PLCB4: variants seen among roughly 807,000 people sequenced by gnomAD.
The protein encoded by PLCB4 is 1-phosphatidylinositol 4,5-bisphosphate phosphodiesterase beta-4.
PLCB4 carries 77 observed loss-of-function variants against 178.8 expected under a neutral mutation model. The observed-to-expected ratio is 0.43, with a 90% CI of 0.36 to 0.52. The LOEUF (loss-of-function observed/expected upper bound fraction) is 0.52, where lower values mean the gene tolerates loss of function less well. PLCB4 is among the 20% of genes least tolerant of loss of function. PLCB4 has a pLI of 0.00. For missense variants in PLCB4, 1,024 were observed against 1,453.4 expected (o/e 0.70, Z 4.80); for synonymous variants, 496 against 490.8 (o/e 1.01, Z -0.14).
chr20:9,195,297 A>T (rs1483707655), intron 2 of PLCB4, among the ~76,000 whole-genome samples: 1 of 152,212 alleles, frequency 6.6e-6, no homozygotes, highest in East Asian at 1.9e-4. Context: ...GATGATGCAG[A>T]TGCTGCTGGT....
chr20:9,087,850 T>C (rs2090503560), intron 1 of PLCB4, among the ~76,000 whole-genome samples: 1 of 152,236 alleles, frequency 6.6e-6, no homozygotes, highest in African/African-American at 2.4e-5. Flanking sequence ...GCTCCTCATA[T>C]TCCAGTGGAA....
At chr20:9,232,909 G>T (rs2093948941) in intron 3 of PLCB4, among the ~76,000 whole-genome samples, 1 of 152,034 alleles carries the variant, frequency 6.6e-6, no homozygotes, top group Non-Finnish European at 1.5e-5. Context: ...GAAAAAATAT[G>T]ATTGTAATAT....
intron 14 of PLCB4, 149 bp downstream of exon 14, chr20:9,384,560 G>A (rs1365299428): frequency 1.6e-6 from 1 of 629,546 alleles, no homozygotes; most frequent in Admixed American, 2.8e-5. Context: ...TTAACGTTGA[G>A]AAAAGAAGGA....
intron 2 of PLCB4, among the ~76,000 whole-genome samples, chr20:9,116,806 A>G (rs1250402480): frequency 6.6e-6 from 1 of 152,194 alleles, no homozygotes; most frequent in African/African-American, 2.4e-5. Context: ...TCTTTAACAT[A>G]TCGAGTCTAC....
intron 2 of PLCB4, among the ~76,000 whole-genome samples, chr20:9,216,571 C>G (rs1241118943): frequency 6.6e-6 from 1 of 152,100 alleles, no homozygotes; most frequent in African/African-American, 2.4e-5. Flanking sequence ...ATGATCTTTG[C>G]TCACTGCAAC....
chr20:9,452,832 T>C (rs1284278579), intron 32 of PLCB4, among the ~76,000 whole-genome samples: 1 of 152,212 alleles, frequency 6.6e-6, no homozygotes, highest in Non-Finnish European at 1.5e-5. Context: ...AACACAGTGA[T>C]GCCTCTCATT....
At position 9,326,130 on chromosome 20, in the gene PLCB4, AG is replaced by A. The variant is rs1272628800; in HGVS notation, c.85-10995del. 2.0e-5 allele frequency among the ~76,000 whole-genome samples: 3 copies of A among 152,342 alleles called. No homozygotes were observed. The East Asian group carries it at 5.8e-4, about 29-fold the overall frequency. On this transcript the variant is annotated intron_variant, in intron 4 of 39. Coordinates refer to ENST00000378473, the MANE Select transcript of PLCB4 (RefSeq NM_001377142.1). ...CCATCACATTTGGGATTAGGATTTC[AG>A]CATAGGAATTTTTGGTGGGGTAGAG...
intron 36 of PLCB4, among the ~76,000 whole-genome samples, chr20:9,470,380 A>G (rs2044105236): frequency 6.6e-6 from 1 of 152,104 alleles, no homozygotes; most frequent in African/African-American, 2.4e-5. Flanking sequence ...TTATTCTCAG[A>G]TAAGCAACTT....
rs139093452 is a variant in PLCB4 at position 9,224,655 on chromosome 20, G to C, written c.-16+7203G>C. On this transcript the variant is annotated intron_variant, in intron 3 of 39. Transcript: ENST00000378473. ...AATTCTTCGGTTTGGCCAACTGCCA[G>C]GTTTTTCTCACCATCTTTCCATTTC... 9.5e-3 allele frequency among the ~76,000 whole-genome samples: 1,442 copies of C among 152,258 alleles called. 73 individuals carry two copies. Among genetic ancestry groups the C allele is most frequent in the Admixed American group, 0.087 (1,333 of 15,292 alleles).
At chr20:9,179,587 G>A (rs796822155) in intron 2 of PLCB4, among the ~76,000 whole-genome samples, 9 of 152,306 alleles carry the variant, frequency 5.9e-5, no homozygotes, top group African/African-American at 2.2e-4. Context: ...TATTACAGGA[G>A]CAATAGAAAA....
At chr20:9,416,340 G>A (rs2040244964) in intron 25 of PLCB4, among the ~76,000 whole-genome samples, 1 of 152,102 alleles carries the variant, frequency 6.6e-6, no homozygotes, top group Admixed American at 6.6e-5. Context: ...AGGAATCTCT[G>A]GACACTCACT....
At chr20:9,144,599 C>G in intron 2 of PLCB4, among the ~76,000 whole-genome samples, 1 of 145,800 alleles carries the variant, frequency 6.9e-6, no homozygotes, top group South Asian at 2.2e-4. Context: ...TCAAGACCAG[C>G]TTGAGCAACA....
intron 3 of PLCB4, among the ~76,000 whole-genome samples, chr20:9,225,995 C>T (rs112849511): frequency 2.1e-4 from 32 of 152,310 alleles, no homozygotes; most frequent in Middle Eastern, 6.8e-3. Flanking sequence ...AGGAACCGGC[C>T]GGTGACCTTG....
chr20:9,116,942 T>G (rs1242231004), intron 2 of PLCB4, among the ~76,000 whole-genome samples: 2 of 152,192 alleles, frequency 1.3e-5, no homozygotes, highest in East Asian at 3.9e-4. Context: ...TTAGAGTTTT[T>G]GTTGTTGTGA....
chr20:9,399,059 A>T (rs1334498688), intron 19 of PLCB4, among the ~76,000 whole-genome samples: 1 of 152,244 alleles, frequency 6.6e-6, no homozygotes, highest in East Asian at 1.9e-4. Context: ...TTTCCTAAAC[A>T]CACACAGTCA....
At chr20:9,243,184 A>G (rs887567446) in intron 3 of PLCB4, among the ~76,000 whole-genome samples, 2 of 152,192 alleles carry the variant, frequency 1.3e-5, no homozygotes, top group East Asian at 3.8e-4. Flanking sequence ...AACTGCAGAA[A>G]GTTCAAAGAA....
intron 2 of PLCB4, among the ~76,000 whole-genome samples, chr20:9,124,291 A>C (rs147678186): frequency 0.02 from 2,993 of 152,254 alleles, 109 homozygotes; most frequent in African/African-American, 0.066. Flanking sequence ...GGATTGCTTG[A>C]GCCCAGGAGT....
intron 7 of PLCB4, among the ~76,000 whole-genome samples, chr20:9,357,161 A>T (rs2034905906): frequency 6.6e-6 from 1 of 152,150 alleles, no homozygotes; most frequent in South Asian, 2.1e-4. Flanking sequence ...AAATTAATTG[A>T]TCTAGATTTG....
At chr20:9,294,800 C>T (rs1008874784) in intron 3 of PLCB4, among the ~76,000 whole-genome samples, 6 of 152,070 alleles carry the variant, frequency 3.9e-5, no homozygotes, top group Non-Finnish European at 8.8e-5. Context: ...TGAGATTTTG[C>T]ATTTCTAAGA....
Sources: allele counts gnomAD v4.1 joint callset (sites outside exome capture counted in the v4.1 genomes callset), GRCh38; gene constraint gnomAD v4.1.1; transcripts MANE v1.5; gene names NCBI Gene and HGNC (gene_info 2026-07-23, HGNC 2026-07-21).